Variants in PGAP1 observed in about 807,000 individuals in gnomAD.
The protein encoded by PGAP1 is post-GPI attachment to proteins inositol deacylase 1.
PGAP1 carries 76 observed loss-of-function variants against 127.0 expected under a neutral mutation model. The ratio of observed to expected loss-of-function variants is 0.60; its 90% CI spans 0.50 to 0.72. The LOEUF (loss-of-function observed/expected upper bound fraction) is 0.72, where lower values mean the gene tolerates loss of function less well. PGAP1 is among the 30% of genes least tolerant of loss of function. The pLI is 0.00. For synonymous variants in PGAP1, 362 were observed against 366.5 expected (o/e 0.99, Z 0.14); for missense variants, 982 against 1,071.3 (o/e 0.92, Z 1.16).
At position 196,920,021 on chromosome 2, in the gene PGAP1, C is replaced by G. The variant is rs151266857; in HGVS notation, c.277G>C (p.Gly93Arg). The change falls in exon 2 of 27, where the codon GGT becomes CGT. Residue 93 changes from glycine to arginine, a missense_variant. Gly to Arg is a moderately radical substitution (Grantham distance 125). Coordinates refer to ENST00000354764, the MANE Select transcript of PGAP1 (RefSeq NM_024989.4). ...CCTTGCTTATAACTTCCAGCATTAC[C>G]AGGAAGAAAGAGAACTGGAATACCC... ...LTGIPVLFLP[G>R]NAGSYKQVRS... 2.2e-5 allele frequency: 36 copies of G among 1,609,704 alleles called. No homozygotes were observed. The highest frequency in any genetic ancestry group is 3.1e-5 in the Non-Finnish European group (36 of 1,178,228).
rs768495810 is a variant in PGAP1, at chr2:196,886,157, CT to C, written c.1174-278del. Among the ~76,000 whole-genome samples, 582 of 122,148 alleles carry C rather than the reference CT, an allele frequency of 4.8e-3. 2 individuals carry two copies. Among genetic ancestry groups the C allele is most frequent in the South Asian group, 9.6e-3 (35 of 3,630 alleles). The allele number at this position is 122,148 out of a possible 152,430, so 80.1% of individuals were successfully genotyped here. A position where few individuals can be genotyped will look rare whatever the true frequency, so the allele number is the denominator to read the frequency against. ...GAAGGACTGCCCTGACTGGTTATCT[CT>C]TTTTTTTTTTTTTTTTTTTTGAGAT... On this transcript the variant is annotated intron_variant, in intron 10 of 26. Coordinates refer to ENST00000354764, the MANE Select transcript of PGAP1 (RefSeq NM_024989.4).
chr2:196,867,431 C>T (rs1701277876), intron 19 of PGAP1, among the ~76,000 whole-genome samples: 1 of 152,104 alleles, frequency 6.6e-6, no homozygotes, highest in African/African-American at 2.4e-5. Context: ...ACAATGAGAA[C>T]ATATGGACAC....
In PGAP1 at chr2:196,844,584, A is replaced by G; in HGVS notation, c.2287-10T>C. ...CTTGCAGATGAACAACCTAAGAAAAATAAATTGCTCTTTAATTTTACTTTT... is the reference window on the plus strand; with the variant it reads ...CTTGCAGATGAACAACCTAAGAAAAGTAAATTGCTCTTTAATTTTACTTTT... On this transcript the variant is annotated splice_polypyrimidine_tract_variant and intron_variant, in intron 23 of 26. Transcript: ENST00000354764. 6.3e-7 allele frequency: 1 copy of G among 1,576,354 alleles called. No homozygotes were observed.
chr2:196,844,154 TCAAC>T, intron 24 of PGAP1, 79 bp from the exon 25 acceptor site: 4 of 841,644 alleles, frequency 4.8e-6, no homozygotes, highest in Non-Finnish European at 6.7e-6. Context: ...TCATTACTTA[TCAAC>T]TAAATAAGTA....
chr2:196,913,069 A>C lies in PGAP1; in HGVS notation c.478-16T>G. On this transcript the variant is annotated splice_polypyrimidine_tract_variant and intron_variant, in intron 3 of 26. Transcript: ENST00000354764. The stretch of plus-strand genomic sequence containing the variant: ...ATTCTTGACCCTATTAAAATAAATC[A>C]CCAGGTCATAATTGCGGCTTTGTAT... 2.5e-6 allele frequency: 4 copies of C among 1,587,440 alleles called. No individual in the cohort carries two copies.
chr2:196,887,346 T>C (rs1701946484), intron 10 of PGAP1, among the ~76,000 whole-genome samples: 1 of 152,112 alleles, frequency 6.6e-6, no homozygotes, highest in Non-Finnish European at 1.5e-5. Flanking sequence ...ATCGCGCCAC[T>C]GCACTCCAGC....
intron 7 of PGAP1, among the ~76,000 whole-genome samples, chr2:196,895,097 A>G (rs58319317): frequency 0.1 from 15,581 of 152,124 alleles, 955 homozygotes; most frequent in African/African-American, 0.17. Flanking sequence ...TCAATTACAC[A>G]TAGTGAGTTT....
chr2:196,898,193 G>C (rs1388670996), intron 6 of PGAP1, 124 bp downstream of exon 6: 2 of 608,650 alleles, frequency 3.3e-6, no homozygotes, highest in Non-Finnish European at 5.7e-6. Context: ...CCTCCAGCCT[G>C]GGCAACAGAG....
At chr2:196,886,670 C>T (rs188918728) in intron 10 of PGAP1, among the ~76,000 whole-genome samples, 5 of 152,090 alleles carry the variant, frequency 3.3e-5, no homozygotes, top group Admixed American at 3.3e-4. Context: ...TTTACTTTAT[C>T]GTTTGAGTTT....
intron 13 of PGAP1, among the ~76,000 whole-genome samples, chr2:196,878,172 A>G (rs1266827327): frequency 1.3e-5 from 2 of 152,140 alleles, no homozygotes; most frequent in Non-Finnish European, 2.9e-5. Flanking sequence ...AGGATCCCTC[A>G]TCCAAAATGC....
intron 19 of PGAP1, 80 bp from the exon 20 acceptor site, chr2:196,865,160 C>T: frequency 1.3e-6 from 1 of 751,794 alleles, no homozygotes; most frequent in Non-Finnish European, 2.1e-6. Context: ...TTAAAAGTTG[C>T]TCTTCAATTT....
chr2:196,898,874 G>A (rs1301679102), intron 5 of PGAP1, among the ~76,000 whole-genome samples: 1 of 150,752 alleles, frequency 6.6e-6, no homozygotes, highest in East Asian at 1.9e-4. Flanking sequence ...AATCACAACT[G>A]CAAAACTACC....
intron 10 of PGAP1, among the ~76,000 whole-genome samples, chr2:196,890,240 TC>T (rs1204681790): frequency 6.6e-6 from 1 of 152,128 alleles, no homozygotes; most frequent in African/African-American, 2.4e-5. Context: ...TAGCTTCCAT[TC>T]CTAATATCAT....
chr2:196,847,837 A>G, intron 21 of PGAP1, 110 bp downstream of exon 21: 1 of 770,146 alleles, frequency 1.3e-6, no homozygotes, highest in Non-Finnish European at 1.9e-6. Context: ...CATTTAATGA[A>G]ACAAGTCAAC....
intron 1 of PGAP1, among the ~76,000 whole-genome samples, chr2:196,923,802 A>G (rs1703287265): frequency 6.6e-6 from 1 of 152,134 alleles, no homozygotes; most frequent in South Asian, 2.1e-4. Flanking sequence ...CTGCGACTAT[A>G]GACGCACGCC....
rs1464355096 is a variant in PGAP1 at position 196,835,197 on chromosome 2, T to C, written c.*6037A>G. 4 of 152,050 alleles carry C rather than the reference T, an allele frequency of 2.6e-5. No individual in the cohort carries two copies. The highest frequency in any genetic ancestry group is 1.9e-4 in the East Asian group (1 of 5,200). 9.4% of individuals were successfully genotyped at this position (152,050 alleles called of 1,614,324 possible). ...TAATGTTAACACTTTAGTATTAATA[T>C]CTTGTTTTATAATATTTTCCTTTAA... On this transcript the variant is annotated 3_prime_UTR_variant, in exon 27 of 27. Transcript: ENST00000354764.
At chr2:196,851,231 A>G (rs1329349488) in intron 20 of PGAP1, among the ~76,000 whole-genome samples, 1 of 152,048 alleles carries the variant, frequency 6.6e-6, no homozygotes, top group Non-Finnish European at 1.5e-5. Context: ...GAGGGTTCTC[A>G]TGCTTGTATA....
rs779542605 is a variant in PGAP1 at position 196,843,990 on chromosome 2, T to C, written c.2423A>G (p.Asp808Gly). 45 of 1,608,540 alleles carry C rather than the reference T, an allele frequency of 2.8e-5. No individual in the cohort carries two copies. The South Asian group carries it at 4.9e-4, about 17-fold the overall frequency. The change falls in exon 25 of 27, where the codon GAT (aspartate) becomes GGT (glycine). Residue 808 changes from aspartate to glycine, a missense_variant. Coordinates refer to ENST00000354764, the MANE Select transcript of PGAP1 (RefSeq NM_024989.4). Reference protein sequence around the residue: ...SIHHLRLSANDAEDSLRMHST... With the variant: ...SIHHLRLSANGAEDSLRMHST... ...GTGCATGCGAAGGCTATCTTCAGCA[T>C]CGTTGGCAGATAAACGAAGATGGTG...
At chr2:196,890,739 A>G (rs894951476) in intron 10 of PGAP1, 89 bp downstream of exon 10, 26 of 709,124 alleles carry the variant, frequency 3.7e-5, no homozygotes, top group Non-Finnish European at 5.9e-5. Flanking sequence ...TTTAATAGTA[A>G]TATTTCATAG....
Sources: gnomAD v4.1 joint callset for allele counts (sites outside exome capture counted in the v4.1 genomes callset) on GRCh38, gnomAD v4.1.1 for gene constraint, MANE v1.5 for transcripts, NCBI Gene and HGNC (gene_info 2026-07-23, HGNC 2026-07-21) for gene names.